The following HOMER2 variants were observed in gnomAD, a reference collection of about 807,000 sequenced individuals.
HOMER2 encodes homer protein homolog 2.
Under a neutral mutation model 47.0 loss-of-function variants are expected in HOMER2, and 27 were observed. That is an observed-to-expected ratio of 0.57 (90% confidence interval 0.42 to 0.79). The LOEUF (loss-of-function observed/expected upper bound fraction) is 0.79, where lower values mean the gene tolerates loss of function less well. Among genes scored for constraint, HOMER2 ranks in the 30% least tolerant of loss-of-function variants. The probability of loss-of-function intolerance (pLI) is 0.00; values close to 1 mark genes in which losing one functional copy is unlikely to be tolerated. For synonymous variants in HOMER2, 161 were observed against 163.8 expected, an observed-to-expected ratio of 0.98 and a Z score of 0.13; for missense variants, 443 against 435.0, an observed-to-expected ratio of 1.02 and a Z score of -0.16.
At chr15:82,895,602 T>C (rs2052883309) in intron 1 of HOMER2, among the ~76,000 whole-genome samples, 1 of 152,198 alleles carries the variant, frequency 6.6e-6, no homozygotes, top group South Asian at 2.1e-4. Flanking sequence ...CTACAGAACA[T>C]TTGTTGAAGA....
At chr15:82,878,579 A>G (rs2052426168) in intron 2 of HOMER2, among the ~76,000 whole-genome samples, 2 of 152,088 alleles carry the variant, frequency 1.3e-5, no homozygotes, top group South Asian at 2.1e-4. Context: ...CTTCCGCTCT[A>G]TTCTCTCTCC....
chr15:82,906,959 A>G (rs1308595616), intron 1 of HOMER2, among the ~76,000 whole-genome samples: 1 of 152,246 alleles, frequency 6.6e-6, no homozygotes, highest in South Asian at 2.1e-4. Context: ...TGTGCCTAAC[A>G]GCAAAGTGTC....
intron 2 of HOMER2, among the ~76,000 whole-genome samples, chr15:82,877,090 T>G (rs1418634699): frequency 6.6e-6 from 1 of 152,248 alleles, no homozygotes; most frequent in African/African-American, 2.4e-5. Context: ...TTAGTTCACT[T>G]AAACCTTACA....
At chr15:82,927,423 T>C (rs566534170) in intron 1 of HOMER2, among the ~76,000 whole-genome samples, 1 of 152,344 alleles carries the variant, frequency 6.6e-6, no homozygotes, top group South Asian at 2.1e-4. Flanking sequence ...TTGTAATAAT[T>C]ACTCACCTCT....
chr15:82,903,561 G>T (rs1214786511), intron 1 of HOMER2, among the ~76,000 whole-genome samples: 2 of 152,090 alleles, frequency 1.3e-5, no homozygotes, highest in East Asian at 3.9e-4. Flanking sequence ...AGAGGTTGCC[G>T]TTGGCCGAGA....
chr15:82,854,175 C>T (rs957855730), intron 6 of HOMER2, among the ~76,000 whole-genome samples: 5 of 152,160 alleles, frequency 3.3e-5, no homozygotes, highest in African/African-American at 2.4e-5. Context: ...GAGGCTGAGG[C>T]GGGTGTATCA....
At chr15:82,952,107 C>T (rs556525210) in intron 1 of HOMER2, 4 of 928,014 alleles carry the variant, frequency 4.3e-6, no homozygotes, top group Middle Eastern at 5.6e-4. Context: ...TGATTATTTC[C>T]AGGAAAACTT....
chr15:82,957,063 G>T (rs906789863), upstream of HOMER2, among the ~76,000 whole-genome samples: 4 of 152,150 alleles, frequency 2.6e-5, no homozygotes, highest in Non-Finnish European at 4.4e-5. Flanking sequence ...GATCACCTGA[G>T]GTCAGGAGTT....
chr15:82,877,441 T>C (rs1414652120), intron 2 of HOMER2, among the ~76,000 whole-genome samples: 1 of 152,080 alleles, frequency 6.6e-6, no homozygotes, highest in Non-Finnish European at 1.5e-5. Flanking sequence ...AAGTGTGGGA[T>C]TACAGTCGTG....
At chr15:82,910,280 T>C (rs1244655670) in intron 1 of HOMER2, among the ~76,000 whole-genome samples, 1 of 152,102 alleles carries the variant, frequency 6.6e-6, no homozygotes, top group Non-Finnish European at 1.5e-5. Flanking sequence ...TGTAAAGTGG[T>C]TGACTCGTGG....
At chr15:82,893,941 C>G (rs994961910) in intron 1 of HOMER2, among the ~76,000 whole-genome samples, 1 of 152,162 alleles carries the variant, frequency 6.6e-6, no homozygotes, top group Admixed American at 6.5e-5. Context: ...AACCACTGCA[C>G]CTGGTAATAT....
Position 82,893,329 on chromosome 15 carries a change from CT to C in HOMER2, c.6-489del, listed in dbSNP as rs771392216. Among the ~76,000 whole-genome samples the C allele has an allele frequency of 3.3e-3, 394 of 118,918 alleles. 3 individuals carry two copies. The highest frequency in any genetic ancestry group is 8.4e-3 in the African/African-American group (263 of 31,420). 78.0% of individuals were successfully genotyped at this position (118,918 alleles called of 152,430 possible). A position where few individuals can be genotyped will look rare whatever the true frequency, so the allele number is the denominator to read the frequency against. ...TAATTTATGAATGACATAATTTTAT[CT>C]TTTTTTTTTTTTTTTTTTTGGATAT... On this transcript the variant is annotated intron_variant, in intron 1 of 8. Coordinates refer to ENST00000450735, the MANE Select transcript of HOMER2 (RefSeq NM_004839.4).
At chr15:82,932,853 C>T (rs972856421) in intron 1 of HOMER2, among the ~76,000 whole-genome samples, 1 of 152,136 alleles carries the variant, frequency 6.6e-6, no homozygotes, top group Non-Finnish European at 1.5e-5. Context: ...CCTGTGCACA[C>T]CCCAACTGTG....
intron 1 of HOMER2, among the ~76,000 whole-genome samples, chr15:82,920,846 C>CTT (rs76849781): frequency 1.4e-4 from 19 of 135,828 alleles, no homozygotes; most frequent in Non-Finnish European, 1.8e-4. Flanking sequence ...GTAAAACAAT[C>CTT]TTTTTTTTTT....
At chr15:82,936,321 A>G (rs1195979383) in intron 1 of HOMER2, among the ~76,000 whole-genome samples, 2 of 152,074 alleles carry the variant, frequency 1.3e-5, no homozygotes, top group Non-Finnish European at 2.9e-5. Flanking sequence ...ACCTGCAGTT[A>G]TTTTATTTGT....
intron 4 of HOMER2, among the ~76,000 whole-genome samples, chr15:82,860,117 A>G (rs776804427): frequency 7.9e-5 from 12 of 152,108 alleles, no homozygotes; most frequent in South Asian, 6.2e-4. Context: ...GCGTGGTGGC[A>G]TGCACCTGTA....
chr15:82,962,147 G>A (rs1296127753), intron 1 of HOMER2, among the ~76,000 whole-genome samples: 1 of 151,022 alleles, frequency 6.6e-6, no homozygotes, highest in Non-Finnish European at 1.5e-5. Flanking sequence ...GAGGCGGGCG[G>A]ATCACGAGGT....
intron 4 of HOMER2, among the ~76,000 whole-genome samples, chr15:82,859,656 A>G (rs751191326): frequency 2.0e-5 from 3 of 152,204 alleles, no homozygotes; most frequent in African/African-American, 7.2e-5. Flanking sequence ...GACAAGAACC[A>G]GGTCCTGTTG....
chr15:82,950,942 G>A (rs1048304210), intron 1 of HOMER2, among the ~76,000 whole-genome samples: 24 of 152,148 alleles, frequency 1.6e-4, no homozygotes, highest in African/African-American at 5.3e-4. Flanking sequence ...GTTGGCCAGG[G>A]GGAGGGAGGG....
Sources: allele counts gnomAD v4.1 joint callset (sites outside exome capture counted in the v4.1 genomes callset), GRCh38; gene constraint gnomAD v4.1.1; transcripts MANE v1.5; gene names NCBI Gene and HGNC (gene_info 2026-07-23, HGNC 2026-07-21).